MDN1: variants seen among roughly 807,000 people sequenced by gnomAD.
The protein encoded by MDN1 is midasin AAA ATPase 1.
MDN1 carries 266 observed loss-of-function variants against 669.2 expected under a neutral mutation model. That is an observed-to-expected ratio of 0.40 (90% CI 0.36 to 0.44). MDN1 has a LOEUF of 0.44. Among genes scored for constraint, MDN1 ranks in the 20% least tolerant of loss-of-function variants. The pLI, the probability that MDN1 is intolerant of heterozygous loss-of-function variation, is 1.00. For missense variants in MDN1, 5,940 were observed against 6,754.0 expected (o/e 0.88, Z 4.22); for synonymous variants, 2,385 against 2,457.1 (o/e 0.97, Z 0.87).
chr6:89,716,912 G>T (rs1435648424), intron 43 of MDN1, 103 bp from the exon 44 acceptor site: 6 of 1,247,470 alleles, frequency 4.8e-6, no homozygotes, highest in Non-Finnish European at 6.5e-6. Context: ...AGGTTTTTAA[G>T]ATTTCATAAA....
chr6:89,667,912 T>TA (rs1810375879), intron 84 of MDN1, 102 bp downstream of exon 84: 1 of 1,432,288 alleles, frequency 7.0e-7, no homozygotes. Context: ...GATCACAGAT[T>TA]AAAAATTATT....
intron 36 of MDN1, 142 bp from the exon 37 acceptor site, chr6:89,728,097 C>G (rs1260906301): frequency 1.0e-6 from 1 of 993,112 alleles, no homozygotes; most frequent in African/African-American, 1.6e-5. Context: ...ACTAACCAAT[C>G]CCAGCTCTCT....
chr6:89,772,824 C>A (rs1818171101), intron 13 of MDN1, 103 bp from the exon 14 acceptor site: 7 of 1,276,060 alleles, frequency 5.5e-6, no homozygotes, highest in Non-Finnish European at 6.5e-6. Flanking sequence ...GATGAGAAAA[C>A]AGCTCACAGT....
At chr6:89,696,617 C>A in intron 59 of MDN1, 43 bp from the exon 60 acceptor site, 2 of 1,498,250 alleles carry the variant, frequency 1.3e-6, no homozygotes, top group Non-Finnish European at 1.9e-6. Flanking sequence ...GAAATTAAGA[C>A]AATTTCCAGA....
At chr6:89,786,558 G>A (rs1308261193) in intron 8 of MDN1, among the ~76,000 whole-genome samples, 3 of 152,062 alleles carry the variant, frequency 2.0e-5, no homozygotes, top group South Asian at 2.1e-4. Flanking sequence ...AGTAAGCTAC[G>A]ATCAAGCCAC....
intron 1 of MDN1, among the ~76,000 whole-genome samples, chr6:89,815,808 C>A (rs537150808): frequency 1.2e-4 from 19 of 152,328 alleles, no homozygotes; most frequent in Admixed American, 2.6e-4. Flanking sequence ...AGTCACTCGC[C>A]CACTGTGTTT....
intron 41 of MDN1, 46 bp downstream of exon 41, chr6:89,719,090 C>G: frequency 3.1e-6 from 5 of 1,612,814 alleles, no homozygotes; most frequent in Non-Finnish European, 4.2e-6. Flanking sequence ...GCAGAAGAAA[C>G]CATTAAAAAA....
chr6:89,644,670 C>G (rs527403725), intron 101 of MDN1, among the ~76,000 whole-genome samples: 46 of 152,278 alleles, frequency 3.0e-4, no homozygotes, highest in Non-Finnish European at 6.3e-4. Flanking sequence ...GTGGTCAGTA[C>G]CCATTATCAA....
At position 89,745,290 on chromosome 6, in the gene MDN1, CA is replaced by C; in HGVS notation, c.4160del (p.Leu1387ArgfsTer46). 6.2e-7 allele frequency: 1 copy of C among 1,613,898 alleles called. No homozygotes were observed. The highest frequency in any genetic ancestry group is 8.5e-7 in the Non-Finnish European group (1 of 1,179,850). On this transcript the variant is annotated frameshift_variant, in exon 29 of 102. Coordinates refer to ENST00000369393, the MANE Select transcript of MDN1 (RefSeq NM_014611.3). LOFTEE classifies it high-confidence loss of function. ...GRALEFGEPVLLVGDTGCGKT... is the reference protein window; with the variant it reads ...GRALEFGEPVXLVGDTGCGKT... ...ATCTTTACCCAGTGTCTCCAACCAG[CA>C]GCACAGGTTCACCAAATTCCAATGC...
chr6:89,810,792 G>A (rs541217537), intron 1 of MDN1, among the ~76,000 whole-genome samples: 11 of 152,252 alleles, frequency 7.2e-5, no homozygotes, highest in Admixed American at 7.2e-4. Context: ...GAGGTCGGGA[G>A]TTAGAGACCA....
chr6:89,670,806 A>G (rs1810698927), intron 83 of MDN1, 113 bp downstream of exon 83: 2 of 1,201,024 alleles, frequency 1.7e-6, no homozygotes, highest in Admixed American at 4.8e-5. Flanking sequence ...AGAGCAAATC[A>G]CATCCTGCTA....
chr6:89,776,793 T>G (rs1818378431), intron 11 of MDN1, 98 bp from the exon 12 acceptor site: 1 of 821,244 alleles, frequency 1.2e-6, no homozygotes, highest in Non-Finnish European at 1.8e-6. Context: ...AAACACAAAA[T>G]CCAGCAGGAA....
Position 89,715,635 on chromosome 6 carries a change from T to C in MDN1, c.6860+18A>G, listed in dbSNP as rs770154917. 4.1e-6 allele frequency: 6 copies of C among 1,477,420 alleles called. No individual in the cohort carries two copies. The South Asian group carries it at 6.8e-5, about 17-fold the overall frequency. 91.5% of individuals were successfully genotyped at this position (1,477,420 alleles called of 1,614,324 possible). A position where few individuals can be genotyped will look rare whatever the true frequency, so the allele number is the denominator to read the frequency against. On this transcript the variant is annotated intron_variant, in intron 45 of 101. Coordinates refer to ENST00000369393, the MANE Select transcript of MDN1 (RefSeq NM_014611.3). The stretch of plus-strand genomic sequence containing the variant: ...AGGCTGTCAGATTCTGAGGCAGAAA[T>C]GTAAGAGATACAAATACCTGAAATT...
At chr6:89,705,583 A>G (rs1490032719) in intron 53 of MDN1, among the ~76,000 whole-genome samples, 2 of 152,258 alleles carry the variant, frequency 1.3e-5, no homozygotes, top group Non-Finnish European at 2.9e-5. Flanking sequence ...AACTACTGAT[A>G]CATGAAACCA....
intron 53 of MDN1, 25 bp from the exon 54 acceptor site, chr6:89,702,086 G>T (rs1222364934): frequency 6.4e-7 from 1 of 1,563,418 alleles, no homozygotes; most frequent in African/African-American, 1.4e-5. Flanking sequence ...TCTTAGATAA[G>T]ATGGCATGAA....
Position 89,772,622 on chromosome 6 carries a change from C to A in MDN1, c.2034G>T (p.Glu678Asp). 1 of 1,614,110 alleles carries A rather than the reference C, an allele frequency of 6.2e-7. No individual in the cohort carries two copies. Among genetic ancestry groups the A allele is most frequent in the Non-Finnish European group, 8.5e-7 (1 of 1,180,006 alleles). ...TGGTAGAGGTTTTGCCAGTCCCGGT[C>A]TCTCCCACCAGCAACACAGGCTCCC... is the stretch of plus-strand genomic sequence containing the variant. Reference protein sequence around the residue: ...SKGEPVLLVGETGTGKTSTIQ... With the variant: ...SKGEPVLLVGDTGTGKTSTIQ... Residue 678 changes from glutamate (E) to aspartate (D), a missense_variant, in exon 14 of 102, where the codon GAG (glutamate) becomes GAT (aspartate). By Grantham distance (45) the Glu-to-Asp change is conservative (BLOSUM62 2). Transcript: ENST00000369393.
Position 89,646,017 on chromosome 6 carries a change from A to G in MDN1, c.16459+523T>C, listed in dbSNP as rs547006909. On this transcript the variant is annotated intron_variant, in intron 100 of 101. Coordinates refer to ENST00000369393, the MANE Select transcript of MDN1 (RefSeq NM_014611.3). ...ACAGTACTTGCAGGGGGCTGGTTTC[A>G]GGACACACACCCCCTCACCCCCAGT... Among the ~76,000 whole-genome samples the G allele has an allele frequency of 2.0e-5, 3 of 152,294 alleles. No homozygotes were observed. The South Asian group carries it at 6.2e-4, about 32-fold the overall frequency.
rs1812434177 is a variant in MDN1, at chr6:89,692,483, A to G, written c.10547T>C (p.Leu3516Ser). Residue 3516 changes from leucine to serine, a missense_variant, in exon 63 of 102, where the codon TTG becomes TCG. Physicochemically the swap from Leu to Ser is moderately radical, Grantham distance 145. Transcript: ENST00000369393. ...GAAGAGCTGCAGGGCCCTCTGGTCC[A>G]ACTCTCCCTTGCATAACACGTGGGA... ...LRSHVLCKGE[L>S]DQRALQLFRH... The G allele has an allele frequency of 6.2e-7, 1 of 1,613,994 alleles. No individual in the cohort carries two copies. Among genetic ancestry groups the G allele is most frequent in the Non-Finnish European group, 8.5e-7 (1 of 1,179,982 alleles).
intron 17 of MDN1, 122 bp from the exon 18 acceptor site, chr6:89,759,082 T>C (rs1817404508): frequency 1.1e-6 from 1 of 924,276 alleles, no homozygotes; most frequent in Non-Finnish European, 1.6e-6. Context: ...GATGGGCCTA[T>C]ACTTTAACTG....
Sources: allele counts gnomAD v4.1 joint callset (sites outside exome capture counted in the v4.1 genomes callset), GRCh38; gene constraint gnomAD v4.1.1; transcripts MANE v1.5; gene names NCBI Gene and HGNC (gene_info 2026-07-23, HGNC 2026-07-21).